The following SLC20A1 variants were observed in gnomAD, a reference collection of about 807,000 sequenced individuals.
SLC20A1 encodes solute carrier family 20 member 1.
In SLC20A1, 28 loss-of-function variants were observed where a neutral mutation model predicts 62.7. That is an observed-to-expected ratio of 0.45 (90% CI 0.33 to 0.61). The LOEUF is 0.61. SLC20A1 is among the 20% of genes least tolerant of loss of function. The probability of loss-of-function intolerance (pLI) is 0.02; values close to 1 mark genes in which losing one functional copy is unlikely to be tolerated. For synonymous variants in SLC20A1, 305 were observed against 302.9 expected, an observed-to-expected ratio of 1.01 and a Z score of -0.07; for missense variants, 673 against 838.6, an observed-to-expected ratio of 0.80 and a Z score of 2.44.
At chr2:112,647,869 C>G in intron 4 of SLC20A1, 131 bp downstream of exon 4, 1 of 729,416 alleles carries the variant, frequency 1.4e-6, no homozygotes, top group Non-Finnish European at 2.4e-6. Context: ...GCTCTTTGTT[C>G]TGTGCATTTC....
Position 112,647,032 on chromosome 2 carries a change from C to T in SLC20A1, c.204C>T (p.Ile68=), listed in dbSNP as rs1686301504. 3 of 1,614,202 alleles carry T rather than the reference C, an allele frequency of 1.9e-6. No homozygotes were observed. The highest frequency in any genetic ancestry group is 2.5e-6 in the Non-Finnish European group (3 of 1,180,054). The stretch of plus-strand genomic sequence containing the variant: ...AGCAAGCCTGCATCCTAGCTAGCAT[C>T]TTTGAAACAGTGGGCTCTGTCTTAC... ...TLKQACILAS[I]FETVGSVLLG... Residue 68 remains isoleucine (I), a synonymous_variant, in exon 2 of 11, where the codon ATC becomes ATT. Transcript: ENST00000272542.
At position 112,658,969 on chromosome 2, in the gene SLC20A1, T is replaced by A; in HGVS notation, c.923T>A (p.Leu308His). 1.2e-6 allele frequency: 2 copies of A among 1,614,184 alleles called. No homozygotes were observed. The highest frequency in any genetic ancestry group is 1.7e-6 in the Non-Finnish European group (2 of 1,180,028). ...VSEVGPATVP[L>H]QAVVEERTVS... ...GAGGTAGGGCCTGCCACTGTGCCCCTCCAGGCTGTGGTGGAGGAGAGAACA... is the reference window on the plus strand; with the variant it reads ...GAGGTAGGGCCTGCCACTGTGCCCCACCAGGCTGTGGTGGAGGAGAGAACA... Residue 308 changes from leucine to histidine, a missense_variant, in exon 7 of 11, where the codon CTC (leucine) becomes CAC (histidine). By Grantham distance (99) the Leu-to-His change is moderately conservative. Coordinates refer to ENST00000272542, the MANE Select transcript of SLC20A1 (RefSeq NM_005415.5).
chr2:112,651,331 A>G (rs113555434), intron 4 of SLC20A1, among the ~76,000 whole-genome samples: 7 of 152,234 alleles, frequency 4.6e-5, no homozygotes, highest in Middle Eastern at 3.4e-3. Context: ...GATCAAGATA[A>G]CATTAAACCT....
At chr2:112,646,236 C>T (rs571708420) in intron 1 of SLC20A1, 107 bp downstream of exon 1, 2 of 152,250 alleles carry the variant, frequency 1.3e-5, no homozygotes, top group South Asian at 4.1e-4. Context: ...TGGCTTCTCT[C>T]TTCGCCGCTG....
At chr2:112,658,724 C>G (rs114783429) in intron 6 of SLC20A1, 101 bp from the exon 7 acceptor site, 7 of 1,283,478 alleles carry the variant, frequency 5.5e-6, no homozygotes, top group Non-Finnish European at 7.5e-6. Context: ...CACATACATT[C>G]TTGTTTTGAG....
intron 6 of SLC20A1, chr2:112,658,328 A>C (rs1686652531): frequency 6.5e-6 from 1 of 152,896 alleles, no homozygotes; most frequent in South Asian, 2.1e-4. Context: ...TGGAAATTAA[A>C]GTTGTCGTCT....
At chr2:112,657,285 G>T in intron 6 of SLC20A1, 44 bp downstream of exon 6, 1 of 1,568,046 alleles carries the variant, frequency 6.4e-7, no homozygotes. Flanking sequence ...TACTAATGTT[G>T]TGTTTATTTT....
In SLC20A1 at chr2:112,652,730, C is replaced by T. The variant is rs772749728; in HGVS notation, c.590C>T (p.Ala197Val). The T allele has an allele frequency of 3.1e-6, 5 of 1,614,154 alleles. No homozygotes were observed. Among genetic ancestry groups the T allele is most frequent in the Non-Finnish European group, 4.2e-6 (5 of 1,180,002 alleles). ...KADPVPNGLR[A>V]LPVFYACTVG... ...GATCCAGTTCCTAATGGTTTGCGAG[C>T]TTTGCCAGTTTTCTATGCCTGCACA... Residue 197 changes from alanine to valine, a missense_variant, in exon 5 of 11, where the codon GCT (alanine) becomes GTT (valine). Physicochemically the swap from Ala to Val is moderately conservative, Grantham distance 64. Transcript: ENST00000272542.
At chr2:112,649,234 T>A (rs1686364262) in intron 4 of SLC20A1, among the ~76,000 whole-genome samples, 1 of 152,204 alleles carries the variant, frequency 6.6e-6, no homozygotes, top group Admixed American at 6.5e-5. Context: ...GTAACTGATT[T>A]CTTAATTGTA....
rs764493271 is a variant in SLC20A1, at chr2:112,646,919, A to G, written c.91A>G (p.Ile31Val). Reference protein sequence around the residue: ...YLWMLILGFIIAFVLAFSVGA... With the variant: ...YLWMLILGFIVAFVLAFSVGA... ...ATGGATGCTCATCCTGGGCTTCATT[A>G]TTGCATTTGTCTTGGCATTCTCCGT... Residue 31 changes from isoleucine to valine, a missense_variant, in exon 2 of 11, where the codon ATT becomes GTT. Ile to Val is a conservative substitution (Grantham distance 29, BLOSUM62 3). Coordinates refer to ENST00000272542, the MANE Select transcript of SLC20A1 (RefSeq NM_005415.5). 6.2e-7 allele frequency: 1 copy of G among 1,613,716 alleles called. No individual in the cohort carries two copies. Among genetic ancestry groups the G allele is most frequent in the East Asian group, 2.2e-5 (1 of 44,844 alleles).
In SLC20A1 at chr2:112,653,566, C is replaced by T. The variant is rs78318015; in HGVS notation, c.658+768C>T. The stretch of plus-strand genomic sequence containing the variant: ...CCCACTGGATGAAATACAGGACACA[C>T]ATGTATGTATGTAGAGAGAAAGATA... On this transcript the variant is annotated intron_variant, in intron 5 of 10. Coordinates refer to ENST00000272542, the MANE Select transcript of SLC20A1 (RefSeq NM_005415.5). Among the ~76,000 whole-genome samples, 266 of 152,204 alleles carry T rather than the reference C, an allele frequency of 1.7e-3. 3 individuals are homozygous for T. In the East Asian group the frequency reaches 0.046, roughly 26 times the overall value.
chr2:112,653,403 G>T (rs1574183680), intron 5 of SLC20A1: 2 of 162,684 alleles, frequency 1.2e-5, no homozygotes, highest in East Asian at 3.4e-4. Flanking sequence ...TTAAATTATG[G>T]CGCTACAAGT....
intron 5 of SLC20A1, among the ~76,000 whole-genome samples, chr2:112,656,505 G>A (rs1251492353): frequency 1.3e-5 from 2 of 152,128 alleles, no homozygotes; most frequent in African/African-American, 4.8e-5. Context: ...CTGGCTGAAA[G>A]ACAAAGCTTT....
At position 112,663,031 on chromosome 2, in the gene SLC20A1, T is replaced by C; in HGVS notation, c.*6T>C. 6.2e-6 allele frequency: 10 copies of C among 1,613,858 alleles called. No individual in the cohort carries two copies. The highest frequency in any genetic ancestry group is 1.1e-5 in the South Asian group (1 of 91,054). ...ATGTCATCCTCAGAATGTGAAGCTG[T>C]TTGAGATTAAAATTTGTGTCAATGT... On this transcript the variant is annotated 3_prime_UTR_variant, in exon 11 of 11. Coordinates refer to ENST00000272542, the MANE Select transcript of SLC20A1 (RefSeq NM_005415.5).
intron 8 of SLC20A1, 100 bp from the exon 9 acceptor site, chr2:112,660,287 G>A (rs1686711438): frequency 9.7e-7 from 1 of 1,030,076 alleles, no homozygotes; most frequent in Non-Finnish European, 1.5e-6. Context: ...GAGCTTGAAA[G>A]CTGTACTTTA....
chr2:112,660,728 C>T, intron 9 of SLC20A1, 156 bp downstream of exon 9: 1 of 678,418 alleles, frequency 1.5e-6, no homozygotes, highest in Non-Finnish European at 2.3e-6. Flanking sequence ...ACTTGTCTGG[C>T]CCTTAAACAT....
chr2:112,653,804 A>G (rs549444298), intron 5 of SLC20A1, among the ~76,000 whole-genome samples: 1 of 151,864 alleles, frequency 6.6e-6, no homozygotes. Context: ...TTATTTATTT[A>G]TTTTTTTGAG....
At chr2:112,651,790 C>G (rs1199612924) in intron 4 of SLC20A1, among the ~76,000 whole-genome samples, 2 of 152,212 alleles carry the variant, frequency 1.3e-5, no homozygotes, top group Non-Finnish European at 2.9e-5. Flanking sequence ...TATTTTTAGT[C>G]ACTGGCCTTA....
chr2:112,660,612 TTTTTTTCAGAGATA>T, intron 9 of SLC20A1, 40 bp downstream of exon 9: 1 of 1,557,048 alleles, frequency 6.4e-7, no homozygotes, highest in Non-Finnish European at 8.7e-7. Context: ...TCAGTACTCA[TTTTTTTCAGAGATA>T]TAACACTGTC....
Sources: gnomAD v4.1 joint callset for allele counts (sites outside exome capture counted in the v4.1 genomes callset) on GRCh38, gnomAD v4.1.1 for gene constraint, MANE v1.5 for transcripts, NCBI Gene and HGNC (gene_info 2026-07-23, HGNC 2026-07-21) for gene names.